MMS22L: variants seen among roughly 807,000 people sequenced by gnomAD.
MMS22L encodes the protein MMS22 like, DNA repair protein, also known as protein MMS22-like.
In MMS22L, 74 loss-of-function variants were observed where a neutral mutation model predicts 159.1. That is an observed-to-expected ratio of 0.47 (90% CI 0.39 to 0.56). The LOEUF (loss-of-function observed/expected upper bound fraction) is 0.56, where lower values mean the gene tolerates loss of function less well. Among genes scored for constraint, MMS22L ranks in the 20% least tolerant of loss-of-function variants. The pLI is 0.00. For synonymous variants in MMS22L, 517 were observed against 506.9 expected (o/e 1.02, Z -0.27); for missense variants, 1,351 against 1,422.1 (o/e 0.95, Z 0.80).
At chr6:97,219,065 C>A (rs1809339457) in intron 14 of MMS22L, among the ~76,000 whole-genome samples, 1 of 152,042 alleles carries the variant, frequency 6.6e-6, no homozygotes, top group Non-Finnish European at 1.5e-5. Flanking sequence ...GGAACCACCC[C>A]CATGATCCAA....
intron 9 of MMS22L, among the ~76,000 whole-genome samples, chr6:97,256,744 T>C (rs1813855059): frequency 6.6e-6 from 1 of 152,028 alleles, no homozygotes; most frequent in South Asian, 2.1e-4. Context: ...TGAGGTCAGG[T>C]GTTCGAGACC....
At chr6:97,149,706 A>C in intron 24 of MMS22L, 147 bp downstream of exon 24, 4 of 730,700 alleles carry the variant, frequency 5.5e-6, no homozygotes, top group Non-Finnish European at 8.2e-6. Context: ...CACTTTGTAA[A>C]ACTGATAATC....
chr6:97,204,937 CTTTTTTT>C (rs1222516541), intron 14 of MMS22L, among the ~76,000 whole-genome samples: 11 of 52,372 alleles, frequency 2.1e-4, no homozygotes, highest in African/African-American at 8.6e-4. Context: ...TGTACAGTGT[CTTTTTTT>C]TTTTTTTTTT....
At chr6:97,179,292 A>C (rs1428148467) in intron 17 of MMS22L, 116 bp downstream of exon 17, 3 of 855,996 alleles carry the variant, frequency 3.5e-6, no homozygotes, top group Admixed American at 5.6e-5. Context: ...GCTTGTATTC[A>C]TACCCAATTA....
chr6:97,173,281 A>G, intron 18 of MMS22L, 59 bp from the exon 19 acceptor site: 1 of 1,529,994 alleles, frequency 6.5e-7, no homozygotes, highest in African/African-American at 1.4e-5. Flanking sequence ...AAGATTTGGA[A>G]CATAAAGATA....
At chr6:97,175,855 T>G (rs1023808511) in intron 18 of MMS22L, among the ~76,000 whole-genome samples, 1 of 152,204 alleles carries the variant, frequency 6.6e-6, no homozygotes, top group African/African-American at 2.4e-5. Flanking sequence ...ACTTCATTCA[T>G]TTTTTGAGAA....
At chr6:97,208,612 C>A (rs1409879043) in intron 14 of MMS22L, among the ~76,000 whole-genome samples, 1 of 151,798 alleles carries the variant, frequency 6.6e-6, no homozygotes, top group Non-Finnish European at 1.5e-5. Context: ...ACTTTCCAGG[C>A]AGAAAAGAAA....
chr6:97,248,298 T>C (rs1180528763), intron 10 of MMS22L, among the ~76,000 whole-genome samples: 1 of 152,214 alleles, frequency 6.6e-6, no homozygotes, highest in Non-Finnish European at 1.5e-5. Context: ...ACTGAAGCCC[T>C]GGCTGATAGC....
intron 18 of MMS22L, among the ~76,000 whole-genome samples, chr6:97,176,428 GAA>G (rs1804122788): frequency 6.6e-6 from 1 of 152,032 alleles, no homozygotes; most frequent in African/African-American, 2.4e-5. Flanking sequence ...TTTCTGTGCA[GAA>G]AAGAGTTAAT....
At position 97,151,797 on chromosome 6, in the gene MMS22L, A is replaced by C; in HGVS notation, c.3456T>G (p.Pro1152=). The change falls in exon 23 of 25, where the codon CCT becomes CCG. Residue 1152 remains proline (P), a synonymous_variant. Transcript: ENST00000683635. The part of the protein sequence containing the change: ...KACQVGSEEE[P]SSQLTSVFRQ... ...TAAACACAGAAGTCAGCTGGGAGGA[A>C]GGTTCTTCTTCTGACCCCACTTGGC... 6.2e-7 allele frequency: 1 copy of C among 1,613,730 alleles called. No homozygotes were observed. The highest frequency in any genetic ancestry group is 8.5e-7 in the Non-Finnish European group (1 of 1,179,698).
chr6:97,187,375 G>A (rs549024976), intron 14 of MMS22L, among the ~76,000 whole-genome samples: 14 of 152,182 alleles, frequency 9.2e-5, no homozygotes, highest in Non-Finnish European at 1.6e-4. Context: ...TAATAGAAAC[G>A]TGCAGGAAAT....
intron 11 of MMS22L, among the ~76,000 whole-genome samples, chr6:97,241,990 T>G (rs6931487): frequency 0.65 from 99,288 of 152,004 alleles, 33,773 homozygotes; most frequent in Non-Finnish European, 0.76. Flanking sequence ...ATTTCAATTT[T>G]TTAAAAATTA....
At chr6:97,174,407 A>C (rs1357267529) in intron 18 of MMS22L, among the ~76,000 whole-genome samples, 1 of 152,144 alleles carries the variant, frequency 6.6e-6, no homozygotes, top group African/African-American at 2.4e-5. Context: ...CTTCTGCAGC[A>C]CTCAGCATGT....
intron 14 of MMS22L, among the ~76,000 whole-genome samples, chr6:97,192,810 T>C (rs1806034971): frequency 6.6e-6 from 1 of 152,176 alleles, no homozygotes; most frequent in Non-Finnish European, 1.5e-5. Flanking sequence ...ATTCTAAGTG[T>C]TTGACCTTTT....
Position 97,263,467 on chromosome 6 carries a change from A to C in MMS22L, c.829-19T>G. On this transcript the variant is annotated intron_variant, in intron 8 of 24. Coordinates refer to ENST00000683635, the MANE Select transcript of MMS22L (RefSeq NM_001350599.2). ...ACCTAACCTATAGAAAATAACCAAA[A>C]TGTGTTATTTATAAGACAGCAGCAG... 3.8e-6 allele frequency: 5 copies of C among 1,317,758 alleles called. No homozygotes were observed. The highest frequency in any genetic ancestry group is 4.2e-6 in the Non-Finnish European group (4 of 963,046). The allele number at this position is 1,317,758 out of a possible 1,614,324, so 81.6% of individuals were successfully genotyped here.
At chr6:97,192,099 T>G (rs949560965) in intron 14 of MMS22L, among the ~76,000 whole-genome samples, 5 of 152,094 alleles carry the variant, frequency 3.3e-5, no homozygotes, top group African/African-American at 1.2e-4. Flanking sequence ...AATGCCTCCA[T>G]GTAACAGACA....
At chr6:97,249,716 C>T (rs1011795992) in intron 10 of MMS22L, among the ~76,000 whole-genome samples, 6 of 140,434 alleles carry the variant, frequency 4.3e-5, no homozygotes, top group Non-Finnish European at 9.1e-5. Flanking sequence ...TAACACGTAC[C>T]AATAACCAAT....
intron 20 of MMS22L, among the ~76,000 whole-genome samples, chr6:97,167,854 C>G (rs1325048812): frequency 6.6e-6 from 1 of 151,936 alleles, no homozygotes; most frequent in African/African-American, 2.4e-5. Context: ...TGTCTGTGCT[C>G]ATCTACCTCC....
At chr6:97,266,503 G>A (rs185122531) in intron 8 of MMS22L, 1 of 152,290 alleles carries the variant, frequency 6.6e-6, no homozygotes, top group African/African-American at 2.4e-5. Flanking sequence ...AGCAGGACAT[G>A]TTCTGAGAAG....
Sources: allele counts gnomAD v4.1 joint callset (sites outside exome capture counted in the v4.1 genomes callset), GRCh38; gene constraint gnomAD v4.1.1; transcripts MANE v1.5; gene names NCBI Gene and HGNC (gene_info 2026-07-23, HGNC 2026-07-21).